MAF: variants seen among roughly 807,000 people sequenced by gnomAD.
The protein encoded by MAF is MAF bZIP transcription factor.
In MAF, 10 loss-of-function variants were observed where a neutral mutation model predicts 22.0. The observed-to-expected ratio is 0.45, with a 90% CI of 0.28 to 0.77. MAF has a LOEUF of 0.77. Ranked by LOEUF, MAF falls within the 30% of genes least tolerant of loss-of-function variation. The pLI, the probability that MAF is intolerant of heterozygous loss-of-function variation, is 0.12. For missense variants in MAF, 544 were observed against 548.4 expected (o/e 0.99, Z 0.08); for synonymous variants, 337 against 255.8 (o/e 1.32, Z -3.03).
the MAF span, among the ~76,000 whole-genome samples, chr16:79,493,895 T>C: frequency 6.6e-6 from 1 of 151,626 alleles, no homozygotes; most frequent in Admixed American, 6.6e-5. Flanking sequence ...TGGATGTGTA[T>C]TCATGGAACT....
At chr16:79,340,101 T>G in the MAF span, among the ~76,000 whole-genome samples, 1 of 152,130 alleles carries the variant, frequency 6.6e-6, no homozygotes, top group African/African-American at 2.4e-5. Context: ...TACGGGGAAC[T>G]CTAGCCAAGT....
the MAF span, among the ~76,000 whole-genome samples, chr16:79,469,598 A>T: frequency 1.3e-5 from 2 of 152,072 alleles, no homozygotes; most frequent in South Asian, 4.2e-4. Context: ...ATTTATTTTT[A>T]ATTTTTATTT....
chr16:79,503,474 T>G, the MAF span, among the ~76,000 whole-genome samples: 5,885 of 152,296 alleles, frequency 0.039, 369 homozygotes, highest in African/African-American at 0.13. Context: ...CTTAAGCCAC[T>G]ATCATCCCCA....
the MAF span, among the ~76,000 whole-genome samples, chr16:79,455,749 G>A: frequency 1.3e-5 from 2 of 152,182 alleles, no homozygotes; most frequent in South Asian, 2.1e-4. Context: ...TGGGCATGGC[G>A]GCTCATGCCT....
chr16:79,211,730 G>A, the MAF span: 398 of 1,614,080 alleles, frequency 2.5e-4, 1 homozygote, highest in Non-Finnish European at 3.1e-4. Flanking sequence ...GCGAAGAGAC[G>A]GCCCGGACCC....
chr16:79,315,660 C>T, the MAF span, among the ~76,000 whole-genome samples: 3 of 152,146 alleles, frequency 2.0e-5, 1 homozygote, highest in Non-Finnish European at 4.4e-5. Flanking sequence ...GACTCTAAAG[C>T]CTATGTTTTA....
At position 79,597,348 on chromosome 16, in the gene MAF, C is replaced by G. The variant is rs1016234453; in HGVS notation, c.1118+1437G>C. The G allele has an allele frequency of 3.8e-6, 4 of 1,038,990 alleles. No homozygotes were observed. The African/African-American group carries it at 6.7e-5, about 17-fold the overall frequency. 64.4% of individuals were successfully genotyped at this position (1,038,990 alleles called of 1,614,324 possible). A position where few individuals can be genotyped will look rare whatever the true frequency, so the allele number is the denominator to read the frequency against. ...AGAGCATTCCACATTTGACAATGAC[C>G]AAAAGCCAAAAAATATAAAATAAAA... On this transcript the variant is annotated intron_variant, in intron 1 of 1. Coordinates refer to ENST00000326043, the MANE Select transcript of MAF (RefSeq NM_005360.5).
At chr16:79,580,131 T>A in the MAF span, among the ~76,000 whole-genome samples, 1 of 152,154 alleles carries the variant, frequency 6.6e-6, no homozygotes, top group Non-Finnish European at 1.5e-5. Context: ...AGAGACCAAG[T>A]TGCACCCTGT....
the MAF span, among the ~76,000 whole-genome samples, chr16:79,349,452 ATCC>A: frequency 6.6e-6 from 1 of 152,206 alleles, no homozygotes; most frequent in Non-Finnish European, 1.5e-5. Flanking sequence ...TCTCTTGTAC[ATCC>A]TATCAGGAAA....
chr16:79,455,112 G>A, the MAF span, among the ~76,000 whole-genome samples: 276 of 146,780 alleles, frequency 1.9e-3, no homozygotes, highest in Middle Eastern at 0.01. Flanking sequence ...AAAAAAAAAA[G>A]AAAGAATTCC....
chr16:79,583,864 G>C (rs1453122473), downstream of MAF, among the ~76,000 whole-genome samples: 2 of 152,182 alleles, frequency 1.3e-5, no homozygotes, highest in Non-Finnish European at 2.9e-5. Flanking sequence ...CATACAAGGA[G>C]TGTGCAGTTG....
At chr16:79,502,217 A>G in the MAF span, among the ~76,000 whole-genome samples, 6 of 152,214 alleles carry the variant, frequency 3.9e-5, no homozygotes, top group Non-Finnish European at 8.8e-5. Flanking sequence ...GGCTACTTCC[A>G]TCAGCCTCAC....
At chr16:79,533,195 T>C in the MAF span, among the ~76,000 whole-genome samples, 1 of 152,220 alleles carries the variant, frequency 6.6e-6, no homozygotes, top group Non-Finnish European at 1.5e-5. Context: ...CTTAAAGGGC[T>C]CTACTCTTCT....
the MAF span, among the ~76,000 whole-genome samples, chr16:79,241,016 C>T: frequency 6.6e-6 from 1 of 152,078 alleles, no homozygotes; most frequent in African/African-American, 2.4e-5. Flanking sequence ...AAGACATCCA[C>T]TCACAGACCT....
At chr16:79,552,220 C>CT in the MAF span, among the ~76,000 whole-genome samples, 35 of 149,338 alleles carry the variant, frequency 2.3e-4, no homozygotes, top group East Asian at 6.0e-4. Flanking sequence ...GCTCTCTCTT[C>CT]TTTTTTTTTT....
chr16:79,490,175 A>G, the MAF span, among the ~76,000 whole-genome samples: 1 of 152,348 alleles, frequency 6.6e-6, no homozygotes, highest in East Asian at 1.9e-4. Context: ...AGGGAACCCT[A>G]ATGTTGAAAT....
chr16:79,595,790 G>C (rs1597842851), intron 1 of MAF: 2 of 1,057,350 alleles, frequency 1.9e-6, no homozygotes, highest in Non-Finnish European at 2.3e-6. Flanking sequence ...TCCAGGTAGA[G>C]AAGTTCTCCA....
At chr16:79,487,789 C>T in the MAF span, among the ~76,000 whole-genome samples, 2 of 152,190 alleles carry the variant, frequency 1.3e-5, no homozygotes. Flanking sequence ...TGGAGCACCC[C>T]AAGTTGTTGG....
At chr16:79,245,291 T>C in the MAF span, among the ~76,000 whole-genome samples, 1 of 152,064 alleles carries the variant, frequency 6.6e-6, no homozygotes, top group African/African-American at 2.4e-5. Flanking sequence ...ACCTACAGAA[T>C]GGGAGAAAAT....
Sources: allele counts gnomAD v4.1 joint callset (sites outside exome capture counted in the v4.1 genomes callset), GRCh38; gene constraint gnomAD v4.1.1; transcripts MANE v1.5; gene names NCBI Gene and HGNC (gene_info 2026-07-23, HGNC 2026-07-21).